MACROD2: variants seen among roughly 807,000 people sequenced by gnomAD.
MACROD2 encodes the protein mono-ADP ribosylhydrolase 2.
A neutral mutation model predicts 70.4 loss-of-function variants in MACROD2; 36 were observed. The observed-to-expected ratio is 0.51, with a 90% CI of 0.39 to 0.68. The LOEUF is 0.68. MACROD2 is among the 30% of genes least tolerant of loss of function. The pLI is 0.00. For missense variants in MACROD2, 496 were observed against 538.4 expected (o/e 0.92, Z 0.78); for synonymous variants, 172 against 178.8 (o/e 0.96, Z 0.30).
intron 10 of MACROD2, among the ~76,000 whole-genome samples, chr20:15,890,902 G>A (rs776010369): frequency 6.6e-6 from 1 of 152,152 alleles, no homozygotes; most frequent in Non-Finnish European, 1.5e-5. Flanking sequence ...GGCTGGGGAA[G>A]TGAAAATAAA....
chr20:14,079,322 T>C (rs939657170), intron 2 of MACROD2, among the ~76,000 whole-genome samples: 2 of 152,218 alleles, frequency 1.3e-5, no homozygotes, highest in Non-Finnish European at 1.5e-5. Flanking sequence ...TTTCTGCAGC[T>C]AGTAGAGAAG....
intron 8 of MACROD2, among the ~76,000 whole-genome samples, chr20:15,613,381 T>C (rs1383642489): frequency 6.6e-6 from 1 of 152,220 alleles, no homozygotes; most frequent in African/African-American, 2.4e-5. Context: ...AGAAATCACC[T>C]TACTTCAAAC....
intron 4 of MACROD2, among the ~76,000 whole-genome samples, chr20:14,516,023 A>G (rs1259388322): frequency 1.4e-5 from 2 of 146,574 alleles, no homozygotes; most frequent in Non-Finnish European, 3.0e-5. Flanking sequence ...TATAAAATAT[A>G]ATATACTTTA....
At chr20:13,996,951 TTTTA>T (rs1394942836) in intron 1 of MACROD2, among the ~76,000 whole-genome samples, 1 of 152,184 alleles carries the variant, frequency 6.6e-6, no homozygotes, top group Admixed American at 6.5e-5. Flanking sequence ...ACCTGTAGAT[TTTTA>T]TTGCAAGTCC....
intron 5 of MACROD2, among the ~76,000 whole-genome samples, chr20:15,161,180 A>T (rs1235631289): frequency 7.2e-5 from 11 of 152,146 alleles, no homozygotes; most frequent in Non-Finnish European, 1.6e-4. Context: ...GCTGGCTGTA[A>T]CAAGAATTAA....
chr20:15,460,977 C>CATATATATATAT (rs1157335873), intron 7 of MACROD2, among the ~76,000 whole-genome samples: 52 of 69,650 alleles, frequency 7.5e-4, no homozygotes, highest in South Asian at 1.3e-3. Context: ...TCTCTCTCTC[C>CATATATATATAT]ATATATATAT....
intron 16 of MACROD2, among the ~76,000 whole-genome samples, chr20:16,043,482 T>G (rs2067335168): frequency 6.6e-6 from 1 of 152,138 alleles, no homozygotes. Context: ...TGGACTTTGA[T>G]GCTTGAGAAA....
At chr20:14,688,726 A>G (rs375807125) in intron 5 of MACROD2, among the ~76,000 whole-genome samples, 45 of 152,260 alleles carry the variant, frequency 3.0e-4, no homozygotes, top group African/African-American at 1.1e-3. Flanking sequence ...GGACATTTCT[A>G]TTCATGCTAT....
At chr20:14,588,950 T>G (rs1219077728) in intron 4 of MACROD2, among the ~76,000 whole-genome samples, 1 of 152,204 alleles carries the variant, frequency 6.6e-6, no homozygotes, top group Non-Finnish European at 1.5e-5. Flanking sequence ...AAAAACATTT[T>G]TGAATGATTA....
intron 8 of MACROD2, among the ~76,000 whole-genome samples, chr20:15,793,512 G>C (rs1449232406): frequency 7.2e-5 from 11 of 151,884 alleles, no homozygotes; most frequent in Admixed American, 7.2e-4. Context: ...GTAAGATTCT[G>C]GGGCATTTTA....
chr20:14,579,718 A>T (rs1404963783), intron 4 of MACROD2, among the ~76,000 whole-genome samples: 2 of 152,194 alleles, frequency 1.3e-5, no homozygotes, highest in Admixed American at 6.5e-5. Flanking sequence ...TATTGCAATC[A>T]TTTTGTATTT....
intron 8 of MACROD2, among the ~76,000 whole-genome samples, chr20:15,840,561 C>G (rs1206995276): frequency 6.6e-6 from 1 of 152,144 alleles, no homozygotes; most frequent in Non-Finnish European, 1.5e-5. Context: ...TTATGCCATG[C>G]TCACCTATAT....
At chr20:15,630,768 C>T (rs540170653) in intron 8 of MACROD2, among the ~76,000 whole-genome samples, 6 of 152,324 alleles carry the variant, frequency 3.9e-5, no homozygotes, top group Admixed American at 6.5e-5. Flanking sequence ...GAATTACCCT[C>T]GCTAAGTTCT....
At chr20:15,251,911 G>T (rs2077159190) in intron 6 of MACROD2, among the ~76,000 whole-genome samples, 1 of 152,170 alleles carries the variant, frequency 6.6e-6, no homozygotes, top group African/African-American at 2.4e-5. Flanking sequence ...GAATTCCTCA[G>T]CTCAAAGCTG....
At chr20:15,621,646 C>T (rs2049127402) in intron 8 of MACROD2, among the ~76,000 whole-genome samples, 1 of 152,086 alleles carries the variant, frequency 6.6e-6, no homozygotes, top group Non-Finnish European at 1.5e-5. Context: ...AGTTCTGGTC[C>T]TTTCATGTTC....
At chr20:15,418,191 T>C (rs1179976182) in intron 6 of MACROD2, among the ~76,000 whole-genome samples, 2 of 152,198 alleles carry the variant, frequency 1.3e-5, no homozygotes, top group South Asian at 4.1e-4. Context: ...TGAAAGACAA[T>C]GAAGCCCACG....
intron 5 of MACROD2, among the ~76,000 whole-genome samples, chr20:14,741,364 G>A (rs1386682939): frequency 3.3e-5 from 5 of 152,068 alleles, no homozygotes; most frequent in African/African-American, 1.2e-4. Flanking sequence ...CTCAGAGAAG[G>A]TAATGTTGGC....
intron 6 of MACROD2, among the ~76,000 whole-genome samples, chr20:15,380,564 T>C (rs968582702): frequency 5.9e-5 from 9 of 152,076 alleles, no homozygotes; most frequent in African/African-American, 2.2e-4. Flanking sequence ...TTATGTTTTG[T>C]TATTATCTAT....
chr20:14,144,585 A>G (rs975582677), intron 3 of MACROD2, among the ~76,000 whole-genome samples: 3 of 152,232 alleles, frequency 2.0e-5, no homozygotes, highest in Admixed American at 6.5e-5. Context: ...TTCTTACAGC[A>G]CTTATGGTCT....
Sources: gnomAD v4.1 joint callset for allele counts (sites outside exome capture counted in the v4.1 genomes callset) on GRCh38, gnomAD v4.1.1 for gene constraint, MANE v1.5 for transcripts, NCBI Gene and HGNC (gene_info 2026-07-23, HGNC 2026-07-21) for gene names.